The following FAM118A variants were observed in gnomAD, a reference collection of about 807,000 sequenced individuals.
FAM118A encodes the protein protein FAM118A.
FAM118A carries 25 observed loss-of-function variants against 38.2 expected under a neutral mutation model. The observed-to-expected ratio is 0.65, with a 90% CI of 0.48 to 0.91. The LOEUF is 0.91. Ranked by LOEUF, FAM118A falls within the 40% of genes least tolerant of loss-of-function variation. The pLI, the probability that FAM118A is intolerant of heterozygous loss-of-function variation, is 0.00. For missense variants in FAM118A, 425 were observed against 463.3 expected, an observed-to-expected ratio of 0.92 and a Z score of 0.76; for synonymous variants, 178 against 184.1, an observed-to-expected ratio of 0.97 and a Z score of 0.27.
chr22:45,314,935 T>C (rs1379553957), intron 1 of FAM118A, among the ~76,000 whole-genome samples: 1 of 152,260 alleles, frequency 6.6e-6, no homozygotes, highest in African/African-American at 2.4e-5. Flanking sequence ...AACTTGGGGC[T>C]GGCCTGTTAG....
intron 1 of FAM118A, among the ~76,000 whole-genome samples, chr22:45,319,126 G>T (rs1215675433): frequency 6.6e-6 from 1 of 152,234 alleles, no homozygotes; most frequent in East Asian, 1.9e-4. Context: ...TCACTTATAT[G>T]TGGAGAATCG....
At chr22:45,333,462 C>T (rs1321079413) in intron 6 of FAM118A, among the ~76,000 whole-genome samples, 1 of 152,028 alleles carries the variant, frequency 6.6e-6, no homozygotes, top group Non-Finnish European at 1.5e-5. Context: ...ATCACGAGGT[C>T]AGGAGATCGA....
chr22:45,339,761 A>G (rs1049937705), intron 8 of FAM118A, among the ~76,000 whole-genome samples: 1 of 152,208 alleles, frequency 6.6e-6, no homozygotes, highest in Non-Finnish European at 1.5e-5. Context: ...TTGTGTGTAC[A>G]TAGATTTTGT....
chr22:45,319,576 A>G (rs2146610372), intron 1 of FAM118A, among the ~76,000 whole-genome samples: 1 of 152,322 alleles, frequency 6.6e-6, no homozygotes, highest in Middle Eastern at 3.4e-3. Context: ...AACTCGGCCC[A>G]TTGGCAAGAA....
chr22:45,340,465 C>A lies in FAM118A; in HGVS notation c.*60C>A, dbSNP rs534944811. 9.5e-6 allele frequency: 15 copies of A among 1,583,454 alleles called. No individual in the cohort carries two copies. The highest frequency in any genetic ancestry group is 1.2e-5 in the Non-Finnish European group (14 of 1,152,138). ...GCCTTCTGTAACCACAGTGCCCAAA[C>A]GAAGAGGAATGTATGGAGAACTCCA... On this transcript the variant is annotated 3_prime_UTR_variant, in exon 9 of 9. Coordinates refer to ENST00000441876, the MANE Select transcript of FAM118A (RefSeq NM_017911.4).
At chr22:45,337,932 G>C (rs1375165917) in intron 8 of FAM118A, 2 of 980,740 alleles carry the variant, frequency 2.0e-6, no homozygotes, top group African/African-American at 3.5e-5. Flanking sequence ...TTCCTATGAA[G>C]AGGGTCTGAT....
chr22:45,320,318 C>T (rs1433798130), intron 1 of FAM118A, among the ~76,000 whole-genome samples: 2 of 151,602 alleles, frequency 1.3e-5, no homozygotes, highest in African/African-American at 4.8e-5. Flanking sequence ...AAAAATTAGC[C>T]GGATGTGGTG....
chr22:45,322,337 A>G (rs2084928002), intron 1 of FAM118A, 34 bp from the exon 2 acceptor site: 1 of 1,596,148 alleles, frequency 6.3e-7, no homozygotes, highest in Non-Finnish European at 8.5e-7. Flanking sequence ...TACCTGGGAG[A>G]CAGAAGTCAC....
Position 45,332,597 on chromosome 22 carries a change from A to G in FAM118A, c.824A>G (p.Gln275Arg), listed in dbSNP as rs755059138. Residue 275 changes from glutamine (Q) to arginine (R), a missense_variant, in exon 6 of 9, where the codon CAG (glutamine) becomes CGG (arginine). Physicochemically the swap from Gln to Arg is conservative, Grantham distance 43 (BLOSUM62 1). Coordinates refer to ENST00000441876, the MANE Select transcript of FAM118A (RefSeq NM_017911.4). ...KENEDHFFKH[Q>R]ADMLLHGIKV... Reference sequence around the variant, plus strand: ...AATGAAGACCATTTCTTTAAGCATCAGGCAGATATGCTTCTGCACGGAATC... The same window carrying G: ...AATGAAGACCATTTCTTTAAGCATCGGGCAGATATGCTTCTGCACGGAATC... The G allele has an allele frequency of 1.2e-6, 2 of 1,614,204 alleles. No homozygotes were observed. The highest frequency in any genetic ancestry group is 1.7e-5 in the Admixed American group (1 of 60,026).
intron 1 of FAM118A, among the ~76,000 whole-genome samples, chr22:45,315,424 A>C (rs963232771): frequency 6.6e-6 from 1 of 152,242 alleles, no homozygotes; most frequent in Non-Finnish European, 1.5e-5. Flanking sequence ...TTTTACCAGA[A>C]CCATGATTAC....
At chr22:45,324,146 A>G (rs909156972) in intron 3 of FAM118A, among the ~76,000 whole-genome samples, 1 of 152,200 alleles carries the variant, frequency 6.6e-6, no homozygotes, top group African/African-American at 2.4e-5. Flanking sequence ...AGAGAGCACG[A>G]AAAAAAGTGA....
intron 4 of FAM118A, 32 bp from the exon 5 acceptor site, chr22:45,330,569 ATG>A (rs762665672): frequency 6.7e-7 from 1 of 1,488,920 alleles, no homozygotes; most frequent in Non-Finnish European, 8.9e-7. Flanking sequence ...CAGTTTGAGG[ATG>A]TGTTTCTTTT....
intron 4 of FAM118A, chr22:45,328,426 G>C (rs956535450): frequency 2.9e-6 from 3 of 1,027,846 alleles, no homozygotes; most frequent in Non-Finnish European, 4.8e-6. Context: ...CTGCAGGTGT[G>C]GGGAGTTCTG....
chr22:45,335,238 G>C, intron 6 of FAM118A, 112 bp from the exon 7 acceptor site: 4 of 1,264,910 alleles, frequency 3.2e-6, no homozygotes, highest in Non-Finnish European at 4.6e-6. Flanking sequence ...GGGCTGACCT[G>C]CCCAGAAGCC....
chr22:45,310,496 C>T (rs1028609444), intron 1 of FAM118A, among the ~76,000 whole-genome samples: 12 of 152,166 alleles, frequency 7.9e-5, no homozygotes, highest in Non-Finnish European at 1.5e-5. Flanking sequence ...CAGAAGCCCC[C>T]AGGCCCGGGG....
chr22:45,314,467 AG>A (rs1282189227), intron 1 of FAM118A, among the ~76,000 whole-genome samples: 1 of 152,228 alleles, frequency 6.6e-6, no homozygotes. Context: ...GCCGGTGGGA[AG>A]GGTATGGGAC....
At chr22:45,319,201 A>G (rs954814532) in intron 1 of FAM118A, among the ~76,000 whole-genome samples, 7 of 152,232 alleles carry the variant, frequency 4.6e-5, no homozygotes, top group Admixed American at 1.3e-4. Context: ...CTGTGGTAAC[A>G]GTTTTAGGCA....
intron 3 of FAM118A, 92 bp downstream of exon 3, chr22:45,323,519 A>G (rs2085036183): frequency 6.6e-7 from 1 of 1,505,252 alleles, no homozygotes; most frequent in African/African-American, 1.4e-5. Context: ...TGCAGGCCTA[A>G]CTTGTGTTCA....
chr22:45,323,441 A>T lies in FAM118A; in HGVS notation c.300+14A>T. The T allele has an allele frequency of 6.2e-7, 1 of 1,609,378 alleles. No individual in the cohort carries two copies. Among genetic ancestry groups the T allele is most frequent in the Non-Finnish European group, 8.5e-7 (1 of 1,176,310 alleles). On this transcript the variant is annotated intron_variant, in intron 3 of 8. Transcript: ENST00000441876. Reference sequence around the variant, plus strand: ...AAGATGTCACCTGTAAGTGTCAGACAAGTACCTCTTGGGGACAGCTTGGTT... The same window carrying T: ...AAGATGTCACCTGTAAGTGTCAGACTAGTACCTCTTGGGGACAGCTTGGTT...
Sources: allele counts gnomAD v4.1 joint callset (sites outside exome capture counted in the v4.1 genomes callset), GRCh38; gene constraint gnomAD v4.1.1; transcripts MANE v1.5; gene names NCBI Gene and HGNC (gene_info 2026-07-23, HGNC 2026-07-21).